ETV1: variants seen among roughly 807,000 people sequenced by gnomAD.
ETV1 encodes the protein ETS variant transcription factor 1, also known as ETS translocation variant 1.
A neutral mutation model predicts 62.3 loss-of-function variants in ETV1; 27 were observed. The ratio of observed to expected loss-of-function variants is 0.43; its 90% CI spans 0.32 to 0.60. ETV1 has a LOEUF of 0.60. ETV1 is among the 20% of genes least tolerant of loss of function. The probability of loss-of-function intolerance (pLI) is 0.06; values close to 1 mark genes in which losing one functional copy is unlikely to be tolerated. For synonymous variants in ETV1, 222 were observed against 199.6 expected (o/e 1.11, Z -0.94); for missense variants, 605 against 605.8 (o/e 1.00, Z 0.01).
chr7:13,978,436 T>G (rs1781665135), intron 5 of ETV1, among the ~76,000 whole-genome samples: 1 of 151,860 alleles, frequency 6.6e-6, no homozygotes. Flanking sequence ...AAATAGAAGT[T>G]AGGTTACTTT....
At chr7:13,930,025 T>A (rs919010342) in intron 9 of ETV1, among the ~76,000 whole-genome samples, 2 of 152,164 alleles carry the variant, frequency 1.3e-5, no homozygotes, top group African/African-American at 4.8e-5. Context: ...ACTCCCTTCA[T>A]AAAGAATGCC....
intron 11 of ETV1, among the ~76,000 whole-genome samples, chr7:13,909,012 C>A (rs1406000760): frequency 1.3e-5 from 2 of 152,018 alleles, no homozygotes; most frequent in African/African-American, 4.8e-5. Flanking sequence ...ACTTGACACC[C>A]TTTTCTAACA....
intron 9 of ETV1, among the ~76,000 whole-genome samples, chr7:13,930,276 A>G (rs1785932056): frequency 6.6e-6 from 1 of 152,226 alleles, no homozygotes; most frequent in South Asian, 2.1e-4. Context: ...TAATTCTTTT[A>G]AAGTCTCAAG....
intron 9 of ETV1, among the ~76,000 whole-genome samples, chr7:13,913,463 GAATAAT>G (rs1274407524): frequency 6.6e-6 from 1 of 152,152 alleles, no homozygotes; most frequent in Admixed American, 6.5e-5. Flanking sequence ...TGTAAAGTGG[GAATAAT>G]AATAATAATG....
intron 9 of ETV1, among the ~76,000 whole-genome samples, chr7:13,922,870 G>A (rs1254401210): frequency 6.6e-6 from 1 of 152,176 alleles, no homozygotes; most frequent in Admixed American, 6.5e-5. Context: ...CAGAAAGGAT[G>A]AAAGAAAAGT....
At chr7:13,963,634 G>T (rs10230636) in intron 6 of ETV1, among the ~76,000 whole-genome samples, 1 of 151,510 alleles carries the variant, frequency 6.6e-6, no homozygotes, top group South Asian at 2.1e-4. Context: ...AAAATTCTAA[G>T]AAAAGAATGT....
chr7:13,982,291 C>T (rs1235317445), intron 5 of ETV1, among the ~76,000 whole-genome samples: 1 of 151,872 alleles, frequency 6.6e-6, no homozygotes, highest in African/African-American at 2.4e-5. Flanking sequence ...ACATTATACA[C>T]AAATCAAAGG....
rs75553302 is a variant in ETV1, at chr7:13,943,549, T to G, written c.236-4303A>C. Among the ~76,000 whole-genome samples the G allele has an allele frequency of 3.5e-3, 536 of 152,268 alleles. 3 individuals are homozygous for G. Among genetic ancestry groups the G allele is most frequent in the Middle Eastern group, 0.014 (4 of 294 alleles). On this transcript the variant is annotated intron_variant, in intron 6 of 13. Coordinates refer to ENST00000430479, the MANE Select transcript of ETV1 (RefSeq NM_004956.5). ...CAAGAAAAAAGGGTGCATATGTTCATGAAAAGACATGTGTGAGAATGTTCA... is the reference window on the plus strand; with the variant it reads ...CAAGAAAAAAGGGTGCATATGTTCAGGAAAAGACATGTGTGAGAATGTTCA...
rs899882549 is a variant in ETV1, at chr7:13,891,983, G to C, written c.*3883C>G. 2.2e-5 allele frequency: 5 copies of C among 231,472 alleles called. No homozygotes were observed. The highest frequency in any genetic ancestry group is 1.1e-4 in the African/African-American group (5 of 45,186). 14.3% of individuals were successfully genotyped at this position (231,472 alleles called of 1,614,324 possible). ...AAAAGGCTGCATGATAGACAAAGTG[G>C]CTCATTTTAGAAATCCCTATCATCT... is the stretch of plus-strand genomic sequence containing the variant. On this transcript the variant is annotated 3_prime_UTR_variant, in exon 14 of 14. Coordinates refer to ENST00000430479, the MANE Select transcript of ETV1 (RefSeq NM_004956.5).
intron 6 of ETV1, among the ~76,000 whole-genome samples, chr7:13,957,286 C>A (rs962371684): frequency 2.6e-5 from 4 of 151,948 alleles, no homozygotes; most frequent in Non-Finnish European, 4.4e-5. Flanking sequence ...CGGGGTTTCA[C>A]CGTGTTAGCC....
intron 9 of ETV1, among the ~76,000 whole-genome samples, chr7:13,926,179 C>A (rs1583655968): frequency 6.6e-6 from 1 of 152,084 alleles, no homozygotes; most frequent in Non-Finnish European, 1.5e-5. Context: ...TGCTTTCTGT[C>A]TCTCTCAAAC....
intron 6 of ETV1, among the ~76,000 whole-genome samples, chr7:13,959,636 C>G (rs569552284): frequency 6.6e-6 from 1 of 152,174 alleles, no homozygotes; most frequent in African/African-American, 2.4e-5. Context: ...GTAATCCCAG[C>G]ACTTTGCAAG....
intron 6 of ETV1, among the ~76,000 whole-genome samples, chr7:13,945,498 CA>C (rs575991910): frequency 2.0e-5 from 3 of 150,358 alleles, no homozygotes; most frequent in Admixed American, 6.6e-5. Context: ...TCTGAGTTGG[CA>C]AAAAAAATTT....
rs188186578 is a variant in ETV1 at position 13,929,523 on chromosome 7, C to T, written c.802+1979G>A. Among the ~76,000 whole-genome samples, 7 of 152,144 alleles carry T rather than the reference C, an allele frequency of 4.6e-5. No homozygotes were observed. In the East Asian group the frequency reaches 1.2e-3, roughly 25 times the overall value. On this transcript the variant is annotated intron_variant, in intron 9 of 13. Transcript: ENST00000430479. Reference sequence around the variant, plus strand: ...ACCCAGTCTTCAGATCCTGACACACCCCACTTTTTGTCTCTCTTCCTATCC... The same window carrying T: ...ACCCAGTCTTCAGATCCTGACACACTCCACTTTTTGTCTCTCTTCCTATCC...
chr7:13,978,745 T>C (rs1271269451), intron 5 of ETV1, among the ~76,000 whole-genome samples: 1 of 151,910 alleles, frequency 6.6e-6, no homozygotes, highest in Non-Finnish European at 1.5e-5. Context: ...GAATACAATA[T>C]ACAGAATTAA....
intron 6 of ETV1, among the ~76,000 whole-genome samples, chr7:13,965,048 C>A (rs1229051087): frequency 6.6e-6 from 1 of 152,046 alleles, no homozygotes; most frequent in Admixed American, 6.6e-5. Flanking sequence ...ATACCTCCGC[C>A]GCTGCTGCTA....
chr7:13,936,359 A>T (rs113055788), intron 7 of ETV1, among the ~76,000 whole-genome samples: 118 of 152,252 alleles, frequency 7.8e-4, no homozygotes, highest in African/African-American at 2.7e-3. Flanking sequence ...GCTTGCTTTT[A>T]TTTGTGGTGG....
At chr7:13,935,205 C>A (rs1786665528) in intron 8 of ETV1, among the ~76,000 whole-genome samples, 1 of 152,088 alleles carries the variant, frequency 6.6e-6, no homozygotes, top group Non-Finnish European at 1.5e-5. Flanking sequence ...AGTCATGCGT[C>A]TACTGATATT....
rs1781396578 is a variant in ETV1 at position 13,891,749 on chromosome 7, T to G, written c.*4117A>C. 4.3e-6 allele frequency: 1 copy of G among 232,056 alleles called. No individual in the cohort carries two copies. Among genetic ancestry groups the G allele is most frequent in the Non-Finnish European group, 8.5e-6 (1 of 117,436 alleles). 14.4% of individuals were successfully genotyped at this position (232,056 alleles called of 1,614,324 possible). On this transcript the variant is annotated 3_prime_UTR_variant, in exon 14 of 14. Coordinates refer to ENST00000430479, the MANE Select transcript of ETV1 (RefSeq NM_004956.5). ...AGTAGAATTGCTTAATATGTACATT[T>G]GCCTTCTTTATATTTTTTCCACCAT... is the stretch of plus-strand genomic sequence containing the variant.
Sources: allele counts gnomAD v4.1 joint callset (sites outside exome capture counted in the v4.1 genomes callset), GRCh38; gene constraint gnomAD v4.1.1; transcripts MANE v1.5; gene names NCBI Gene and HGNC (gene_info 2026-07-23, HGNC 2026-07-21).